Variants in KLF12 observed in about 807,000 individuals in gnomAD.
KLF12 encodes the protein Krueppel-like factor 12.
KLF12 carries 9 observed loss-of-function variants against 37.8 expected under a neutral mutation model. The observed-to-expected ratio is 0.24, with a 90% CI of 0.14 to 0.42. The LOEUF (loss-of-function observed/expected upper bound fraction) is 0.42, where lower values mean the gene tolerates loss of function less well. Among genes scored for constraint, KLF12 ranks in the 10% least tolerant of loss-of-function variants. The pLI, the probability that KLF12 is intolerant of heterozygous loss-of-function variation, is 1.00. For synonymous variants in KLF12, 208 were observed against 202.1 expected, an observed-to-expected ratio of 1.03 and a Z score of -0.25; for missense variants, 411 against 516.0, an observed-to-expected ratio of 0.80 and a Z score of 1.97.
At chr13:73,837,983 T>C (rs998133242) in intron 4 of KLF12, among the ~76,000 whole-genome samples, 1 of 152,148 alleles carries the variant, frequency 6.6e-6, no homozygotes, top group African/African-American at 2.4e-5. Context: ...AGCGAGTCTG[T>C]GACATGAACG....
intron 6 of KLF12, among the ~76,000 whole-genome samples, chr13:73,761,337 T>C (rs969623276): frequency 6.6e-6 from 1 of 152,148 alleles, no homozygotes; most frequent in Non-Finnish European, 1.5e-5. Flanking sequence ...TATTATGAGC[T>C]ACAGGCAATG....
the KLF12 span, among the ~76,000 whole-genome samples, chr13:74,293,642 G>T: frequency 6.6e-6 from 1 of 152,062 alleles, no homozygotes; most frequent in Admixed American, 6.5e-5. Context: ...TATATAAGAT[G>T]GCATCCAGCT....
At chr13:74,135,059 G>T (rs983768503), upstream of KLF12, among the ~76,000 whole-genome samples, 2 of 151,498 alleles carry the variant, frequency 1.3e-5, no homozygotes, top group Non-Finnish European at 2.9e-5. Context: ...CCGCGCGCCG[G>T]TGGGGCGGGC....
At chr13:74,092,835 A>G (rs1875754518) in intron 1 of KLF12, among the ~76,000 whole-genome samples, 2 of 152,190 alleles carry the variant, frequency 1.3e-5, no homozygotes, top group South Asian at 2.1e-4. Flanking sequence ...AAGGACATAA[A>G]AGATGCTCAA....
At chr13:74,008,532 G>C (rs1226104431) in intron 1 of KLF12, among the ~76,000 whole-genome samples, 1 of 152,216 alleles carries the variant, frequency 6.6e-6, no homozygotes, top group Non-Finnish European at 1.5e-5. Flanking sequence ...CGCTAATGAA[G>C]ATTCACACCA....
At chr13:73,938,433 C>T (rs1454715231) in intron 3 of KLF12, among the ~76,000 whole-genome samples, 2 of 152,128 alleles carry the variant, frequency 1.3e-5, no homozygotes, top group African/African-American at 4.8e-5. Context: ...TTAAGCCTAA[C>T]GACTGGAGTC....
At chr13:73,905,492 A>G (rs1157765897) in intron 3 of KLF12, among the ~76,000 whole-genome samples, 3 of 151,930 alleles carry the variant, frequency 2.0e-5, no homozygotes, top group African/African-American at 7.3e-5. Flanking sequence ...AAGAATCTCC[A>G]TGAACATTAT....
chr13:74,069,763 A>G (rs1874119927), intron 1 of KLF12, among the ~76,000 whole-genome samples: 1 of 152,238 alleles, frequency 6.6e-6, no homozygotes, highest in Non-Finnish European at 1.5e-5. Flanking sequence ...AAGGTATATC[A>G]GCATGACTTG....
chr13:73,994,231 A>G (rs1448792177), intron 2 of KLF12, among the ~76,000 whole-genome samples: 2 of 152,206 alleles, frequency 1.3e-5, no homozygotes, highest in South Asian at 2.1e-4. Flanking sequence ...TATGGGAAGG[A>G]AAATATGAAA....
chr13:74,137,811 A>T (rs1164032075), upstream of KLF12, among the ~76,000 whole-genome samples: 2 of 152,098 alleles, frequency 1.3e-5, no homozygotes, highest in Non-Finnish European at 2.9e-5. Flanking sequence ...CCCAGGCTGG[A>T]GTGCAACGGC....
intron 1 of KLF12, among the ~76,000 whole-genome samples, chr13:74,121,727 G>C (rs905562683): frequency 2.0e-5 from 3 of 151,998 alleles, no homozygotes; most frequent in Admixed American, 1.3e-4. Flanking sequence ...TCCCAGGAGA[G>C]GTGTGATGAT....
chr13:73,813,881 G>T (rs932461391), intron 4 of KLF12, among the ~76,000 whole-genome samples: 2 of 152,164 alleles, frequency 1.3e-5, no homozygotes, highest in Admixed American at 1.3e-4. Flanking sequence ...TAGAAATCTT[G>T]TTTATATGTG....
chr13:73,723,892 A>G (rs1876462899), intron 6 of KLF12, among the ~76,000 whole-genome samples: 1 of 152,130 alleles, frequency 6.6e-6, no homozygotes, highest in South Asian at 2.1e-4. Context: ...AAAGTCAGGA[A>G]ACAGATGCTG....
the KLF12 span, among the ~76,000 whole-genome samples, chr13:74,284,964 A>T: frequency 6.6e-6 from 1 of 152,156 alleles, no homozygotes; most frequent in Non-Finnish European, 1.5e-5. Context: ...AGCTCCTTTA[A>T]CTGTGAGCTA....
At chr13:73,957,367 G>A (rs1346074621) in intron 2 of KLF12, among the ~76,000 whole-genome samples, 1 of 152,038 alleles carries the variant, frequency 6.6e-6, no homozygotes, top group African/African-American at 2.4e-5. Flanking sequence ...CCCAGAAAAG[G>A]GCTGCAAATT....
At chr13:73,916,444 G>A (rs560563188) in intron 3 of KLF12, among the ~76,000 whole-genome samples, 46 of 152,152 alleles carry the variant, frequency 3.0e-4, no homozygotes, top group African/African-American at 6.5e-4. Flanking sequence ...GAGGAGCCAC[G>A]AGGTTATTTC....
chr13:73,979,019 G>C (rs1566491385), intron 2 of KLF12, among the ~76,000 whole-genome samples: 1 of 152,150 alleles, frequency 6.6e-6, no homozygotes, highest in Non-Finnish European at 1.5e-5. Flanking sequence ...GGAGACAGAG[G>C]GATGAACAGG....
At chr13:73,765,949 G>C (rs908292348) in intron 5 of KLF12, among the ~76,000 whole-genome samples, 7 of 148,220 alleles carry the variant, frequency 4.7e-5, no homozygotes, top group African/African-American at 1.4e-4. Flanking sequence ...AAGAAACCCA[G>C]TTCTCTGTAG....
chr13:73,936,239 T>C (rs1208045707), intron 3 of KLF12, among the ~76,000 whole-genome samples: 1 of 152,184 alleles, frequency 6.6e-6, no homozygotes, highest in Admixed American at 6.5e-5. Context: ...AGTGCATTTT[T>C]GTTCTGGTAT....
Sources: allele counts gnomAD v4.1 joint callset (sites outside exome capture counted in the v4.1 genomes callset), GRCh38; gene constraint gnomAD v4.1.1; transcripts MANE v1.5; gene names NCBI Gene and HGNC (gene_info 2026-07-23, HGNC 2026-07-21).